The following PLEKHA6 variants were observed in gnomAD, a reference collection of about 807,000 sequenced individuals.
PLEKHA6 encodes pleckstrin homology domain-containing family A member 6.
PLEKHA6 carries 60 observed loss-of-function variants against 116.7 expected under a neutral mutation model. That is an observed-to-expected ratio of 0.51 (90% confidence interval 0.42 to 0.64). The LOEUF is 0.64. Among genes scored for constraint, PLEKHA6 ranks in the 30% least tolerant of loss-of-function variants. The probability of loss-of-function intolerance (pLI) is 0.00; values close to 1 mark genes in which losing one functional copy is unlikely to be tolerated. For missense variants in PLEKHA6, 1,338 were observed against 1,422.7 expected (o/e 0.94, Z 0.96); for synonymous variants, 489 against 556.1 (o/e 0.88, Z 1.70).
intron 1 of PLEKHA6, among the ~76,000 whole-genome samples, chr1:204,335,686 C>A (rs12090016): frequency 6.6e-6 from 1 of 151,962 alleles, no homozygotes; most frequent in Non-Finnish European, 1.5e-5. Flanking sequence ...AGAAAGCAGA[C>A]AGACAAGGAG....
intron 1 of PLEKHA6, among the ~76,000 whole-genome samples, chr1:204,372,264 G>C (rs937076271): frequency 6.6e-6 from 1 of 152,132 alleles, no homozygotes; most frequent in Non-Finnish European, 1.5e-5. Flanking sequence ...ACCTAGATCT[G>C]TCCCCGACAA....
intron 1 of PLEKHA6, among the ~76,000 whole-genome samples, chr1:204,374,088 C>A (rs1256092823): frequency 6.6e-6 from 1 of 152,170 alleles, no homozygotes; most frequent in Non-Finnish European, 1.5e-5. Flanking sequence ...TCACAGACAA[C>A]CCTATCACAC....
At chr1:204,299,884 A>T (rs183443789) in intron 1 of PLEKHA6, among the ~76,000 whole-genome samples, 118 of 151,878 alleles carry the variant, frequency 7.8e-4, no homozygotes, top group African/African-American at 2.6e-3. Context: ...AGCACAGGCC[A>T]CTCCCCTGCC....
chr1:204,274,489 C>T, intron 2 of PLEKHA6: 1 of 457,416 alleles, frequency 2.2e-6, no homozygotes, highest in Non-Finnish European at 2.9e-6. Flanking sequence ...TCTACTCCAT[C>T]AGCTCAACCT....
At chr1:204,273,565 C>T (rs1667695059) in intron 3 of PLEKHA6, 61 bp downstream of exon 3, 1 of 1,079,270 alleles carries the variant, frequency 9.3e-7, no homozygotes, top group Admixed American at 1.7e-5. Context: ...CCCAGAGATC[C>T]CACTAAACAT....
chr1:204,334,762 G>A (rs546868062), intron 1 of PLEKHA6, among the ~76,000 whole-genome samples: 3 of 152,036 alleles, frequency 2.0e-5, no homozygotes, highest in Admixed American at 6.6e-5. Context: ...AGCCGGGCGC[G>A]GTAGTGCACA....
chr1:204,245,879 T>C (rs982502876), intron 13 of PLEKHA6, among the ~76,000 whole-genome samples, 153 bp from the exon 14 acceptor site: 2 of 148,962 alleles, frequency 1.3e-5, no homozygotes, highest in Admixed American at 1.3e-4. Flanking sequence ...CACACACACA[T>C]GCCCCTCCAG....
At chr1:204,311,571 C>CAA in intron 1 of PLEKHA6, 2 of 946,234 alleles carry the variant, frequency 2.1e-6, no homozygotes, top group Non-Finnish European at 2.5e-6. Context: ...TTGAGTGTAA[C>CAA]AAAAAAAAAC....
At chr1:204,285,562 G>T (rs34061503) in intron 1 of PLEKHA6, among the ~76,000 whole-genome samples, 1 of 151,472 alleles carries the variant, frequency 6.6e-6, no homozygotes, top group Admixed American at 6.6e-5. Flanking sequence ...CGCAGGCTCC[G>T]CTCCCTGAGC....
Position 204,332,176 on chromosome 1 carries a change from G to A in PLEKHA6, c.-95+27518C>T, listed in dbSNP as rs909227244. Among the ~76,000 whole-genome samples, 6 of 152,202 alleles carry A rather than the reference G, an allele frequency of 3.9e-5. No homozygotes were observed. In the South Asian group the frequency reaches 1.2e-3, roughly 32 times the overall value. On this transcript the variant is annotated intron_variant, in intron 1 of 22. Transcript: ENST00000272203. The stretch of plus-strand genomic sequence containing the variant: ...GGCATGTTGCTGCAGGGGACAGAGG[G>A]TTAACCCAGAATTCAGCCAATGTGC...
At chr1:204,307,703 A>G (rs1472541065) in intron 1 of PLEKHA6, 1 of 185,126 alleles carries the variant, frequency 5.4e-6, no homozygotes, top group Non-Finnish European at 1.0e-5. Flanking sequence ...CCGCCTGCTC[A>G]TTGGAAACAT....
intron 1 of PLEKHA6, among the ~76,000 whole-genome samples, chr1:204,285,590 C>T (rs902220737): frequency 2.0e-5 from 3 of 152,146 alleles, no homozygotes; most frequent in African/African-American, 7.2e-5. Context: ...ATTCTCCCAC[C>T]TCAGCCTCCC....
At chr1:204,324,866 G>A (rs1394622674) in intron 1 of PLEKHA6, among the ~76,000 whole-genome samples, 2 of 152,198 alleles carry the variant, frequency 1.3e-5, no homozygotes, top group Non-Finnish European at 2.9e-5. Context: ...GAGATCACAT[G>A]ATGCCTGAGT....
At chr1:204,253,817 G>T (rs1664882905) in intron 9 of PLEKHA6, among the ~76,000 whole-genome samples, 1 of 137,800 alleles carries the variant, frequency 7.3e-6, no homozygotes. Flanking sequence ...CTAGGCAACA[G>T]AGTGAGATCT....
chr1:204,295,306 A>G (rs897313621), intron 1 of PLEKHA6, among the ~76,000 whole-genome samples: 2 of 152,182 alleles, frequency 1.3e-5, no homozygotes, highest in African/African-American at 2.4e-5. Context: ...CCTGGCCAAC[A>G]TAATGAAACC....
rs1319360450 is a variant in PLEKHA6, at chr1:204,285,440, G to A, written c.-94-10631C>T. On this transcript the variant is annotated intron_variant, in intron 1 of 22. Coordinates refer to ENST00000272203, the MANE Select transcript of PLEKHA6 (RefSeq NM_014935.5). The stretch of plus-strand genomic sequence containing the variant: ...TTTTCGTTTTTTTGGGTTTTTTGTT[G>A]TTTTTGTTGTTGTTGTTGGTTTTTT... Among the ~76,000 whole-genome samples, 3 of 151,472 alleles carry A rather than the reference G, an allele frequency of 2.0e-5. No homozygotes were observed. In the East Asian group the frequency reaches 5.8e-4, roughly 29 times the overall value.
At chr1:204,226,309 T>C (rs1297125866) in intron 21 of PLEKHA6, among the ~76,000 whole-genome samples, 1 of 152,204 alleles carries the variant, frequency 6.6e-6, no homozygotes, top group Non-Finnish European at 1.5e-5. Context: ...ACACAGACCC[T>C]GACATGTAAG....
chr1:204,255,900 C>T (rs116446841), intron 9 of PLEKHA6, among the ~76,000 whole-genome samples: 66 of 152,268 alleles, frequency 4.3e-4, no homozygotes, highest in Non-Finnish European at 7.6e-4. Context: ...GAGGGGCACA[C>T]GCAGACCCCA....
At chr1:204,242,909 C>T (rs1663036047) in intron 15 of PLEKHA6, among the ~76,000 whole-genome samples, 1 of 152,194 alleles carries the variant, frequency 6.6e-6, no homozygotes, top group Admixed American at 6.5e-5. Context: ...CTACAGAAAG[C>T]AAAAAGGCAC....
Sources: allele counts gnomAD v4.1 joint callset (sites outside exome capture counted in the v4.1 genomes callset), GRCh38; gene constraint gnomAD v4.1.1; transcripts MANE v1.5; gene names NCBI Gene and HGNC (gene_info 2026-07-23, HGNC 2026-07-21).